Variants in ABCA13 observed in about 807,000 individuals in gnomAD.
ABCA13 encodes the protein ATP-binding cassette sub-family A member 13.
Under a neutral mutation model 478.7 loss-of-function variants are expected in ABCA13, and 476 were observed. That is an observed-to-expected ratio of 0.99 (90% CI 0.92 to 1.07). The LOEUF is 1.07. Among genes scored for constraint, ABCA13 ranks in the 50% least tolerant of loss-of-function variants. The pLI is 0.00. For missense variants in ABCA13, 6,060 were observed against 5,910.6 expected, an observed-to-expected ratio of 1.03 and a Z score of -0.83; for synonymous variants, 2,252 against 2,158.9, an observed-to-expected ratio of 1.04 and a Z score of -1.20.
chr7:48,245,562 C>T lies in ABCA13; in HGVS notation c.1441C>T (p.Leu481Phe). The T allele has an allele frequency of 6.2e-7, 1 of 1,613,268 alleles. No individual in the cohort carries two copies. The highest frequency in any genetic ancestry group is 1.1e-5 in the South Asian group (1 of 90,766). ...AGCTAATGATTTTAAATGGTTTGAA[C>T]TTAACCAATTGAAACTGGAAAAGGA... is the stretch of plus-strand genomic sequence containing the variant. ...TSANDFKWFELNQLKLEKDVF... is the reference protein window; with the variant it reads ...TSANDFKWFEFNQLKLEKDVF... Residue 481 changes from leucine (L) to phenylalanine (F), a missense_variant, in exon 12 of 62, where the codon CTT (leucine) becomes TTT (phenylalanine). Physicochemically the swap from Leu to Phe is conservative, Grantham distance 22. Coordinates refer to ENST00000435803, the MANE Select transcript of ABCA13 (RefSeq NM_152701.5).
chr7:48,254,492 A>T (rs548281117), intron 15 of ABCA13, among the ~76,000 whole-genome samples: 60 of 151,446 alleles, frequency 4.0e-4, no homozygotes, highest in South Asian at 3.8e-3. Flanking sequence ...CTAATCTTGA[A>T]CTCCTGGGCT....
chr7:48,618,332 G>T (rs1281086628), intron 59 of ABCA13, among the ~76,000 whole-genome samples: 3 of 152,138 alleles, frequency 2.0e-5, no homozygotes, highest in Non-Finnish European at 4.4e-5. Context: ...AAGGGTTTCC[G>T]CAGAGGACAC....
chr7:48,321,977 A>G (rs1160831944), intron 27 of ABCA13, among the ~76,000 whole-genome samples: 1 of 152,222 alleles, frequency 6.6e-6, no homozygotes, highest in East Asian at 1.9e-4. Context: ...AAAGAGCCTG[A>G]ATCACTCAGA....
intron 56 of ABCA13, 40 bp from the exon 57 acceptor site, chr7:48,587,114 G>A: frequency 6.2e-7 from 1 of 1,610,362 alleles, no homozygotes; most frequent in Non-Finnish European, 8.5e-7. Context: ...TGGGCACTTT[G>A]GTGAATGCTG....
intron 2 of ABCA13, among the ~76,000 whole-genome samples, chr7:48,197,724 T>C (rs771384176): frequency 6.6e-6 from 1 of 151,912 alleles, no homozygotes; most frequent in Non-Finnish European, 1.5e-5. Flanking sequence ...GTGACATTTG[T>C]TCTGAAAAGT....
At chr7:48,311,926 GC>G (rs1284741170) in intron 24 of ABCA13, among the ~76,000 whole-genome samples, 3 of 152,180 alleles carry the variant, frequency 2.0e-5, no homozygotes, top group Admixed American at 2.0e-4. Context: ...TCTTGGAGCT[GC>G]GCTGGATCCC....
At chr7:48,178,814 G>T (rs1376613057) in intron 1 of ABCA13, among the ~76,000 whole-genome samples, 1 of 151,124 alleles carries the variant, frequency 6.6e-6, no homozygotes, top group Non-Finnish European at 1.5e-5. Context: ...TTACCAATTC[G>T]ACTGTCAGGC....
chr7:48,350,911 G>C (rs1004491400), intron 30 of ABCA13, 92 bp downstream of exon 30: 31 of 1,295,432 alleles, frequency 2.4e-5, no homozygotes, highest in Non-Finnish European at 3.2e-5. Context: ...TCTTATGATA[G>C]CTCAGAAAGA....
chr7:48,226,770 A>G (rs1339152961), intron 5 of ABCA13, among the ~76,000 whole-genome samples: 1 of 152,200 alleles, frequency 6.6e-6, no homozygotes, highest in Non-Finnish European at 1.5e-5. Flanking sequence ...TCGGGTATCT[A>G]GAGAAATCCA....
In ABCA13 at chr7:48,391,856, T is replaced by A. The variant is rs567424497; in HGVS notation, c.11655-65T>A. On this transcript the variant is annotated intron_variant, in intron 37 of 61. Coordinates refer to ENST00000435803, the MANE Select transcript of ABCA13 (RefSeq NM_152701.5). Reference sequence around the variant, plus strand: ...ATGCATGCGCCATCCTGGAGCTGACTGGATTGCTGACGTTCACAGTATCAG... The same window carrying A: ...ATGCATGCGCCATCCTGGAGCTGACAGGATTGCTGACGTTCACAGTATCAG... 3.5e-4 allele frequency: 517 copies of A among 1,485,362 alleles called. 2 individuals are homozygous for A. The highest frequency in any genetic ancestry group is 4.7e-4 in the Non-Finnish European group (508 of 1,082,044). 92.0% of individuals were successfully genotyped at this position (1,485,362 alleles called of 1,614,324 possible). A position where few individuals can be genotyped will look rare whatever the true frequency, so the allele number is the denominator to read the frequency against.
At chr7:48,319,232 A>C (rs903255109) in intron 27 of ABCA13, among the ~76,000 whole-genome samples, 1 of 152,204 alleles carries the variant, frequency 6.6e-6, no homozygotes, top group African/African-American at 2.4e-5. Context: ...AAATCACCAA[A>C]GATTTCACTG....
chr7:48,636,299 C>T (rs996710854), intron 59 of ABCA13, among the ~76,000 whole-genome samples: 20 of 152,176 alleles, frequency 1.3e-4, no homozygotes, highest in Admixed American at 4.6e-4. Flanking sequence ...CATCCCCCAA[C>T]CATAACGTGG....
chr7:48,458,129 G>A (rs1475303963), intron 43 of ABCA13, among the ~76,000 whole-genome samples: 1 of 152,064 alleles, frequency 6.6e-6, no homozygotes, highest in African/African-American at 2.4e-5. Context: ...TTTTGCATTT[G>A]TATTAAACTT....
rs749520965 is a variant in ABCA13, at chr7:48,273,202, T to A, written c.3536T>A (p.Phe1179Tyr). ...MNVFTSLHHG[F>Y]TQLLDELEDD... ...GTTTTCACATCTCTTCATCATGGTTTCACTCAGCTTTTGGATGAATTGGAA... is the reference window on the plus strand; with the variant it reads ...GTTTTCACATCTCTTCATCATGGTTACACTCAGCTTTTGGATGAATTGGAA... Residue 1179 changes from phenylalanine (F) to tyrosine (Y), a missense_variant, in exon 17 of 62, where the codon TTC (phenylalanine) becomes TAC (tyrosine). Physicochemically the swap from Phe to Tyr is conservative, Grantham distance 22. This residue lies in a region of ABCA13 where 4,423 missense variants were observed against 4,309.1 expected (regional missense o/e 1.03). Transcript: ENST00000435803. 1 of 1,613,724 alleles carries A rather than the reference T, an allele frequency of 6.2e-7. No homozygotes were observed. The highest frequency in any genetic ancestry group is 8.5e-7 in the Non-Finnish European group (1 of 1,179,772).
chr7:48,482,958 C>A, intron 46 of ABCA13, 118 bp from the exon 47 acceptor site: 1 of 715,952 alleles, frequency 1.4e-6, no homozygotes, highest in Non-Finnish European at 2.3e-6. Flanking sequence ...ACCACAGATG[C>A]TCAGTTGGCT....
At chr7:48,503,952 A>G (rs990423592) in intron 48 of ABCA13, among the ~76,000 whole-genome samples, 1 of 152,204 alleles carries the variant, frequency 6.6e-6, no homozygotes, top group Non-Finnish European at 1.5e-5. Context: ...TGTAATGTAT[A>G]CATATATCAA....
At position 48,295,741 on chromosome 7, in the gene ABCA13, T is replaced by C. The variant is rs201103274; in HGVS notation, c.8997T>C (p.Cys2999=). ...KIWSSPNQLN[C]ESLSKNLSST... ...GGTCCTCGCCGAATCAGCTAAATTGTGAAAGTCTTAGCAAGAATCTTTCTA... is the reference window on the plus strand; with the variant it reads ...GGTCCTCGCCGAATCAGCTAAATTGCGAAAGTCTTAGCAAGAATCTTTCTA... Residue 2999 remains cysteine (C), a synonymous_variant, in exon 21 of 62, where the codon TGT becomes TGC. Transcript: ENST00000435803. 6.2e-7 allele frequency: 1 copy of C among 1,613,960 alleles called. No individual in the cohort carries two copies. The highest frequency in any genetic ancestry group is 8.5e-7 in the Non-Finnish European group (1 of 1,179,912).
intron 39 of ABCA13, among the ~76,000 whole-genome samples, chr7:48,409,468 G>C (rs1272413627): frequency 6.6e-6 from 1 of 152,096 alleles, no homozygotes; most frequent in Non-Finnish European, 1.5e-5. Context: ...TGACTTTCCT[G>C]CCAGGAACAC....
intron 58 of ABCA13, among the ~76,000 whole-genome samples, chr7:48,605,692 G>T (rs1161560292): frequency 2.0e-5 from 3 of 152,064 alleles, no homozygotes; most frequent in Non-Finnish European, 2.9e-5. Context: ...TATGTGTCTT[G>T]GGGTTGCTCT....
Sources: allele counts gnomAD v4.1 joint callset (sites outside exome capture counted in the v4.1 genomes callset), GRCh38; gene constraint gnomAD v4.1.1; regional missense constraint gnomAD v4.1.1; transcripts MANE v1.5; gene names NCBI Gene and HGNC (gene_info 2026-07-23, HGNC 2026-07-21).